The following PNPLA1 variants were observed in gnomAD, a reference collection of about 807,000 sequenced individuals.
PNPLA1 encodes patatin like domain 1, omega-hydroxyceramide transacylase.
A neutral mutation model predicts 51.7 loss-of-function variants in PNPLA1; 36 were observed. That is an observed-to-expected ratio of 0.70 (90% CI 0.53 to 0.92). The LOEUF is 0.92. Among genes scored for constraint, PNPLA1 ranks in the 40% least tolerant of loss-of-function variants. The pLI is 0.00. For synonymous variants in PNPLA1, 293 were observed against 280.1 expected (o/e 1.05, Z -0.46); for missense variants, 658 against 682.5 (o/e 0.96, Z 0.40).
chr6:36,299,366 G>A lies in PNPLA1; in HGVS notation c.776-2495G>A, dbSNP rs528137479. ...TTTTTTTTTTTTGAGATGGAGTCTCGCTCTGTCACCCAGGCTGGAGTGCAG... is the reference window on the plus strand; with the variant it reads ...TTTTTTTTTTTTGAGATGGAGTCTCACTCTGTCACCCAGGCTGGAGTGCAG... On this transcript the variant is annotated intron_variant, in intron 5 of 8. Transcript: ENST00000636260. 3.4e-3 allele frequency among the ~76,000 whole-genome samples: 466 copies of A among 135,630 alleles called. 2 individuals are homozygous for A. Among genetic ancestry groups the A allele is most frequent in the African/African-American group, 0.011 (387 of 34,024 alleles). 89.0% of individuals were successfully genotyped at this position (135,630 alleles called of 152,430 possible).
intron 1 of PNPLA1, among the ~76,000 whole-genome samples, chr6:36,246,595 G>A (rs1769290286): frequency 6.6e-6 from 1 of 152,146 alleles, no homozygotes; most frequent in African/African-American, 2.4e-5. Context: ...AGCCTCTGCT[G>A]AAATGGTGGC....
At chr6:36,293,281 T>C (rs572926859) in intron 3 of PNPLA1, among the ~76,000 whole-genome samples, 155 bp downstream of exon 3, 179 of 152,290 alleles carry the variant, frequency 1.2e-3, no homozygotes, top group African/African-American at 4.0e-3. Flanking sequence ...ATTCCCAATG[T>C]AGGTGGCTTT....
intron 6 of PNPLA1, among the ~76,000 whole-genome samples, chr6:36,304,653 T>G (rs1227247564): frequency 7.0e-6 from 1 of 141,912 alleles, no homozygotes; most frequent in African/African-American, 2.6e-5. Context: ...AAAAAAAAAG[T>G]CAGAAAATTG....
rs918942665 is a variant in PNPLA1 at position 36,255,507 on chromosome 6, A to AAAAAC, written c.-81+12266_-81+12270dup. On this transcript the variant is annotated intron_variant, in intron 1 of 7. Coordinates refer to the PNPLA1 transcript ENST00000312917. ...GCAACAAGAGTGAAACTCTGTTTCAAAAAACAAAACAAAACAAAACAAAAA... is the reference window on the plus strand; with the variant it reads ...GCAACAAGAGTGAAACTCTGTTTCAAAAAACAAAACAAAACAAAACAAAACAAAAA... 1.2e-4 allele frequency among the ~76,000 whole-genome samples: 18 copies of AAAAAC among 152,024 alleles called. No individual in the cohort carries two copies. In the East Asian group the frequency reaches 1.4e-3, roughly 11 times the overall value.
chr6:36,282,758 T>C (rs896831668), intron 1 of PNPLA1, among the ~76,000 whole-genome samples: 3 of 152,204 alleles, frequency 2.0e-5, no homozygotes, highest in Non-Finnish European at 4.4e-5. Context: ...AGATCTCAGC[T>C]CACTGCAACC....
At chr6:36,306,478 G>T in intron 7 of PNPLA1, 102 bp downstream of exon 7, 2 of 1,031,856 alleles carry the variant, frequency 1.9e-6, no homozygotes, top group Admixed American at 2.3e-5. Flanking sequence ...GGAACTCTGG[G>T]ATCCTTTTCT....
Position 36,299,412 on chromosome 6 carries a change from G to A in PNPLA1, c.776-2449G>A, listed in dbSNP as rs551607937. 2.8e-4 allele frequency among the ~76,000 whole-genome samples: 41 copies of A among 147,472 alleles called. 1 individual carries two copies. In the South Asian group the frequency reaches 6.4e-3, roughly 23 times the overall value. ...TGCAGTGGCATGATCTCGGCTCACT[G>A]CAAGCTCCACCTCCTGGGTTCACAC... On this transcript the variant is annotated intron_variant, in intron 5 of 8. Coordinates refer to ENST00000636260, the MANE Select transcript of PNPLA1 (RefSeq NM_001374623.1).
At chr6:36,300,585 T>G (rs10947598) in intron 5 of PNPLA1, among the ~76,000 whole-genome samples, 100,633 of 151,914 alleles carry the variant, frequency 0.66, 33,443 homozygotes, top group Admixed American at 0.71. Flanking sequence ...AGCTGGGGTT[T>G]TGAGTTCTGG....
At chr6:36,254,574 C>T (rs1769489302) in intron 1 of PNPLA1, among the ~76,000 whole-genome samples, 1 of 140,570 alleles carries the variant, frequency 7.1e-6, no homozygotes, top group Non-Finnish European at 1.5e-5. Context: ...AACCCTGTCT[C>T]AAACAAACAA....
At chr6:36,295,210 C>T (rs1412577209) in intron 4 of PNPLA1, among the ~76,000 whole-genome samples, 154 bp from the exon 5 acceptor site, 3 of 152,228 alleles carry the variant, frequency 2.0e-5, no homozygotes, top group Non-Finnish European at 2.9e-5. Context: ...TTCTTCTTAG[C>T]AGACAGTGAG....
chr6:36,288,322 T>G (rs1207949478), intron 1 of PNPLA1, among the ~76,000 whole-genome samples: 1 of 152,174 alleles, frequency 6.6e-6, no homozygotes, highest in Admixed American at 6.5e-5. Context: ...GCTTTTAAAA[T>G]TAGATTATAG....
At chr6:36,272,293 T>G (rs918607850) in intron 1 of PNPLA1, among the ~76,000 whole-genome samples, 2 of 152,112 alleles carry the variant, frequency 1.3e-5, no homozygotes, top group Non-Finnish European at 2.9e-5. Context: ...ATCCCTCCCA[T>G]GCACAGTTCA....
At chr6:36,263,617 G>A (rs1769700028) in intron 1 of PNPLA1, among the ~76,000 whole-genome samples, 1 of 152,188 alleles carries the variant, frequency 6.6e-6, no homozygotes. Flanking sequence ...GCAACTCCTT[G>A]CAGAGTTGCA....
chr6:36,306,623 G>T (rs1771246148), intron 7 of PNPLA1, among the ~76,000 whole-genome samples: 4 of 152,086 alleles, frequency 2.6e-5, no homozygotes, highest in Admixed American at 2.6e-4. Flanking sequence ...CTGCACACTG[G>T]GGATGCTCCT....
At chr6:36,264,952 T>A (rs1769730175) in intron 1 of PNPLA1, among the ~76,000 whole-genome samples, 1 of 152,214 alleles carries the variant, frequency 6.6e-6, no homozygotes, top group Non-Finnish European at 1.5e-5. Flanking sequence ...TAAACACTTC[T>A]ACCCCCACCA....
At chr6:36,254,668 G>A (rs942759706) in intron 1 of PNPLA1, among the ~76,000 whole-genome samples, 5 of 152,134 alleles carry the variant, frequency 3.3e-5, no homozygotes, top group Admixed American at 3.3e-4. Flanking sequence ...GCTGCTGTAG[G>A]GATGGACCTG....
chr6:36,258,936 G>T (rs1394515277), intron 1 of PNPLA1, among the ~76,000 whole-genome samples: 1 of 152,174 alleles, frequency 6.6e-6, no homozygotes, highest in Admixed American at 6.5e-5. Context: ...ACAGAGATTT[G>T]TCAGGACTGG....
chr6:36,276,918 G>A (rs1281605064), intron 1 of PNPLA1, among the ~76,000 whole-genome samples: 1 of 152,208 alleles, frequency 6.6e-6, no homozygotes, highest in African/African-American at 2.4e-5. Context: ...CTACCAAACA[G>A]TTATAATACA....
chr6:36,283,980 A>G (rs1582066743), intron 1 of PNPLA1, among the ~76,000 whole-genome samples: 1 of 152,264 alleles, frequency 6.6e-6, no homozygotes. Flanking sequence ...AGCAGGGGCA[A>G]TGGCCCTGAA....
Sources: allele counts gnomAD v4.1 joint callset (sites outside exome capture counted in the v4.1 genomes callset), GRCh38; gene constraint gnomAD v4.1.1; transcripts MANE v1.5; gene names NCBI Gene and HGNC (gene_info 2026-07-23, HGNC 2026-07-21).